Variants in CYFIP2 observed in about 807,000 individuals in gnomAD.
CYFIP2 encodes cytoplasmic FMR1-interacting protein 2.
A neutral mutation model predicts 158.7 loss-of-function variants in CYFIP2; 29 were observed. That is an observed-to-expected ratio of 0.18 (90% CI 0.14 to 0.25). The LOEUF (loss-of-function observed/expected upper bound fraction) is 0.25, where lower values mean the gene tolerates loss of function less well. Among genes scored for constraint, CYFIP2 ranks in the 10% least tolerant of loss-of-function variants. The pLI, the probability that CYFIP2 is intolerant of heterozygous loss-of-function variation, is 1.00. For missense variants in CYFIP2, 852 were observed against 1,639.5 expected, an observed-to-expected ratio of 0.52 and a Z score of 8.29; for synonymous variants, 585 against 617.6, an observed-to-expected ratio of 0.95 and a Z score of 0.78.
chr5:157,357,885 T>C (rs1409320610), intron 23 of CYFIP2, among the ~76,000 whole-genome samples: 2 of 151,966 alleles, frequency 1.3e-5, no homozygotes, highest in Non-Finnish European at 2.9e-5. Flanking sequence ...TGTAAAAAAC[T>C]GAGTATCATT....
chr5:157,303,598 G>T (rs967732646), intron 7 of CYFIP2, among the ~76,000 whole-genome samples: 2 of 152,168 alleles, frequency 1.3e-5, no homozygotes, highest in Non-Finnish European at 2.9e-5. Flanking sequence ...GGTTGACAGG[G>T]CCCTTGCCAC....
chr5:157,332,682 C>T (rs1483492622), intron 20 of CYFIP2, among the ~76,000 whole-genome samples: 1 of 152,178 alleles, frequency 6.6e-6, no homozygotes, highest in Non-Finnish European at 1.5e-5. Context: ...CTCTTTCTGT[C>T]GCTCAGGCTG....
At chr5:157,307,610 TCATAA>T (rs1759340518) in intron 8 of CYFIP2, 146 bp from the exon 9 acceptor site, 1 of 430,832 alleles carries the variant, frequency 2.3e-6, no homozygotes, top group East Asian at 3.7e-5. Flanking sequence ...GCATAGATTT[TCATAA>T]TATAATGTGT....
intron 30 of CYFIP2, among the ~76,000 whole-genome samples, chr5:157,391,621 T>C (rs953485224): frequency 2.6e-5 from 4 of 152,214 alleles, no homozygotes; most frequent in African/African-American, 4.8e-5. Context: ...TTCCATCCTT[T>C]TTATGGCTGT....
At chr5:157,321,770 G>A (rs932463159) in intron 15 of CYFIP2, among the ~76,000 whole-genome samples, 1 of 152,068 alleles carries the variant, frequency 6.6e-6, no homozygotes, top group South Asian at 2.1e-4. Context: ...GTGGGTTCTC[G>A]GCAGGGTCAT....
At position 157,330,613 on chromosome 5, in the gene CYFIP2, C is replaced by T. The variant is rs181574642; in HGVS notation, c.2157-129C>T. The T allele has an allele frequency of 3.9e-3, 2,588 of 660,862 alleles. 15 individuals are homozygous for T. Among genetic ancestry groups the T allele is most frequent in the Non-Finnish European group, 5.6e-3 (2,230 of 395,188 alleles). The allele number at this position is 660,862 out of a possible 1,614,324, so 40.9% of individuals were successfully genotyped here. A position where few individuals can be genotyped will look rare whatever the true frequency, so the allele number is the denominator to read the frequency against. ...GACGTAACTTGTCTAGAGCAGAAAA[C>T]AATTTTACTTAAGTTATATAAGATA... On this transcript the variant is annotated intron_variant, in intron 19 of 30. Coordinates refer to ENST00000620254, the MANE Select transcript of CYFIP2 (RefSeq NM_001037333.3).
chr5:157,343,535 A>C (rs760685361), intron 23 of CYFIP2: 37 of 1,547,618 alleles, frequency 2.4e-5, no homozygotes, highest in Non-Finnish European at 3.1e-5. Flanking sequence ...CTCGATGTTC[A>C]TCCCGATTCT....
intron 23 of CYFIP2, among the ~76,000 whole-genome samples, chr5:157,356,203 C>T (rs1347705432): frequency 6.6e-6 from 1 of 152,070 alleles, no homozygotes; most frequent in Non-Finnish European, 1.5e-5. Context: ...GGTGAGGGCC[C>T]ACTTCCTGGT....
intron 28 of CYFIP2, among the ~76,000 whole-genome samples, chr5:157,386,363 G>A (rs938770423): frequency 2.6e-5 from 4 of 151,942 alleles, no homozygotes; most frequent in Admixed American, 1.3e-4. Flanking sequence ...GATGACAGGC[G>A]CACAACACCA....
intron 26 of CYFIP2, among the ~76,000 whole-genome samples, chr5:157,379,668 C>CAAAAA (rs70984468): frequency 0.066 from 4,838 of 73,314 alleles, 396 homozygotes; most frequent in Non-Finnish European, 0.083. Context: ...GACCCTGTCT[C>CAAAAA]AAAAAAAAAA....
intron 1 of CYFIP2, among the ~76,000 whole-genome samples, chr5:157,272,032 G>A (rs2113806286): frequency 6.6e-6 from 1 of 152,348 alleles, no homozygotes; most frequent in African/African-American, 2.4e-5. Flanking sequence ...CCCCTGAGCT[G>A]CTGGTAGCCT....
chr5:157,310,399 G>A (rs1275844026), intron 10 of CYFIP2, among the ~76,000 whole-genome samples: 1 of 152,036 alleles, frequency 6.6e-6, no homozygotes, highest in Non-Finnish European at 1.5e-5. Context: ...TGTGCTTCTC[G>A]CCCGAAGTTA....
At chr5:157,283,265 G>A (rs1052057380) in intron 1 of CYFIP2, among the ~76,000 whole-genome samples, 5 of 152,108 alleles carry the variant, frequency 3.3e-5, no homozygotes, top group East Asian at 1.9e-4. Flanking sequence ...CAAGTACTTC[G>A]CATAGTGTCT....
At chr5:157,341,365 C>T (rs1762238997) in intron 23 of CYFIP2, among the ~76,000 whole-genome samples, 1 of 151,696 alleles carries the variant, frequency 6.6e-6, no homozygotes, top group South Asian at 2.1e-4. Context: ...GCCTGGACAA[C>T]ATAGCGAGAC....
intron 9 of CYFIP2, 45 bp downstream of exon 9, chr5:157,307,910 G>A (rs764499388): frequency 9.1e-7 from 1 of 1,093,964 alleles, no homozygotes; most frequent in Non-Finnish European, 1.4e-6. Context: ...GAGGTTACCA[G>A]CGCCAAGATG....
In CYFIP2 at chr5:157,307,920, G is replaced by A. The variant is rs1234149966; in HGVS notation, c.900+55G>A. The A allele has an allele frequency of 5.3e-5, 52 of 983,454 alleles. 1 individual carries two copies. The highest frequency in any genetic ancestry group is 8.1e-5 in the Non-Finnish European group (51 of 631,410). 60.9% of individuals were successfully genotyped at this position (983,454 alleles called of 1,614,324 possible). On this transcript the variant is annotated intron_variant, in intron 9 of 30. Coordinates refer to ENST00000620254, the MANE Select transcript of CYFIP2 (RefSeq NM_001037333.3). ...GGGCTGAGGTTACCAGCGCCAAGAT[G>A]TCTTTGGGGGAAAGGGATGAAATGA...
chr5:157,360,046 C>T (rs1373259021), intron 24 of CYFIP2, among the ~76,000 whole-genome samples: 1 of 152,190 alleles, frequency 6.6e-6, no homozygotes, highest in African/African-American at 2.4e-5. Context: ...GCATCCTCAG[C>T]CCCAGGAAAG....
At chr5:157,382,537 T>A (rs1006400215) in intron 26 of CYFIP2, 53 bp from the exon 27 acceptor site, 31 of 1,596,954 alleles carry the variant, frequency 1.9e-5, no homozygotes, top group Non-Finnish European at 2.7e-5. Flanking sequence ...ATGAAAAATC[T>A]TCCTGGTTTA....
In CYFIP2 at chr5:157,335,062, T is replaced by G. The variant is rs181185072; in HGVS notation, c.2385+1616T>G. On this transcript the variant is annotated intron_variant, in intron 21 of 30. Coordinates refer to ENST00000620254, the MANE Select transcript of CYFIP2 (RefSeq NM_001037333.3). ...TGGTTTTTATTTTAAGTGGACAAAG[T>G]ATAAAAATAAAGTGACAGTGAACTG... Among the ~76,000 whole-genome samples the G allele has an allele frequency of 7.5e-4, 114 of 152,288 alleles. 3 individuals are homozygous for G. The East Asian group carries it at 0.019, about 26-fold the overall frequency.
Sources: gnomAD v4.1 joint callset for allele counts (sites outside exome capture counted in the v4.1 genomes callset) on GRCh38, gnomAD v4.1.1 for gene constraint, MANE v1.5 for transcripts, NCBI Gene and HGNC (gene_info 2026-07-23, HGNC 2026-07-21) for gene names.